Variants in EYS observed in about 807,000 individuals in gnomAD.
The protein encoded by EYS is protein eyes shut homolog.
A neutral mutation model predicts 282.1 loss-of-function variants in EYS; 250 were observed. The ratio of observed to expected loss-of-function variants is 0.89; its 90% CI spans 0.80 to 0.98. The LOEUF (loss-of-function observed/expected upper bound fraction) is 0.98. Ranked by LOEUF, EYS falls within the 50% of genes least tolerant of loss-of-function variation. EYS has a pLI of 0.00. For missense variants in EYS, 4,016 were observed against 3,709.0 expected, an observed-to-expected ratio of 1.08 and a Z score of -2.15; for synonymous variants, 1,355 against 1,282.9, an observed-to-expected ratio of 1.06 and a Z score of -1.20.
chr6:64,234,411 T>A (rs544651682), intron 30 of EYS, among the ~76,000 whole-genome samples: 38 of 146,680 alleles, frequency 2.6e-4, no homozygotes, highest in Admixed American at 8.3e-4. Flanking sequence ...TTCTTCACTT[T>A]CCTTTTAAAA....
chr6:63,934,121 C>T (rs1015966741), intron 35 of EYS, among the ~76,000 whole-genome samples: 20 of 152,234 alleles, frequency 1.3e-4, no homozygotes, highest in Admixed American at 4.6e-4. Context: ...AAAGAAGACA[C>T]TTATGCAGCC....
At chr6:65,561,480 C>A (rs950622558) in intron 2 of EYS, among the ~76,000 whole-genome samples, 7 of 152,078 alleles carry the variant, frequency 4.6e-5, no homozygotes, top group African/African-American at 1.4e-4. Flanking sequence ...CTCATTATCT[C>A]TTACATTTTT....
In EYS at chr6:64,350,413, T is replaced by C. The variant is rs150513862; in HGVS notation, c.6078+38277A>G. 3.1e-3 allele frequency among the ~76,000 whole-genome samples: 468 copies of C among 151,734 alleles called. 2 individuals carry two copies. The highest frequency in any genetic ancestry group is 0.011 in the African/African-American group (436 of 41,502). On this transcript the variant is annotated intron_variant, in intron 29 of 42. Coordinates refer to ENST00000503581, the MANE Select transcript of EYS (RefSeq NM_001142800.2). The stretch of plus-strand genomic sequence containing the variant: ...AAACATTTCTCTATATTCCAGAGTT[T>C]ACAGTAATTCCTTGTTAACCCACTA...
intron 2 of EYS, among the ~76,000 whole-genome samples, chr6:65,523,957 C>T (rs367925685): frequency 2.0e-5 from 3 of 152,184 alleles, no homozygotes; most frequent in Middle Eastern, 3.2e-3. Context: ...CTGCAAACTC[C>T]GCCTCCTGGG....
intron 30 of EYS, among the ~76,000 whole-genome samples, chr6:64,277,510 T>G (rs1768155985): frequency 6.6e-6 from 1 of 152,076 alleles, no homozygotes; most frequent in African/African-American, 2.4e-5. Context: ...GCAGGAGACT[T>G]TATTTTCTAC....
At chr6:64,540,413 C>A (rs1764665331) in intron 26 of EYS, among the ~76,000 whole-genome samples, 1 of 151,218 alleles carries the variant, frequency 6.6e-6, no homozygotes, top group Non-Finnish European at 1.5e-5. Context: ...ACCTATTGTG[C>A]TTTGTAGCCC....
intron 22 of EYS, among the ~76,000 whole-genome samples, chr6:64,803,900 A>G (rs537565269): frequency 6.6e-6 from 1 of 152,308 alleles, no homozygotes; most frequent in South Asian, 2.1e-4. Context: ...GCCATGGGGT[A>G]GGCTCTCCAG....
intron 32 of EYS, among the ~76,000 whole-genome samples, chr6:64,077,160 G>C (rs1771801591): frequency 6.6e-6 from 1 of 151,962 alleles, no homozygotes; most frequent in African/African-American, 2.4e-5. Flanking sequence ...AGCTCTATTG[G>C]GACCCATTAA....
At chr6:63,863,010 C>T (rs1489125071) in intron 36 of EYS, among the ~76,000 whole-genome samples, 1 of 152,196 alleles carries the variant, frequency 6.6e-6, no homozygotes, top group Non-Finnish European at 1.5e-5. Flanking sequence ...TTCATACCTG[C>T]CACATCAGGA....
rs980443633 is a variant in EYS, at chr6:64,040,780, G to A, written c.6725+25558C>T. ...AACATAGATTGTATGGCCTGCAAAG[G>A]CTAAAATATTCATTATCTGGCTCTT... On this transcript the variant is annotated intron_variant, in intron 33 of 42. Coordinates refer to ENST00000503581, the MANE Select transcript of EYS (RefSeq NM_001142800.2). 2.6e-5 allele frequency among the ~76,000 whole-genome samples: 4 copies of A among 152,128 alleles called. No homozygotes were observed. The East Asian group carries it at 7.7e-4, about 29-fold the overall frequency.
At chr6:64,235,086 ATTTTTT>A (rs11309412) in intron 30 of EYS, among the ~76,000 whole-genome samples, 33 of 150,402 alleles carry the variant, frequency 2.2e-4, no homozygotes, top group Non-Finnish European at 3.7e-4. Context: ...TTTTATTTTT[ATTTTTT>A]TTAATTATTA....
At chr6:64,205,912 G>A (rs1349398763) in intron 31 of EYS, among the ~76,000 whole-genome samples, 2 of 151,868 alleles carry the variant, frequency 1.3e-5, no homozygotes, top group African/African-American at 4.8e-5. Context: ...ACCTGCAAGT[G>A]GCCTTACCAG....
At chr6:65,164,933 G>C (rs1032795480) in intron 12 of EYS, among the ~76,000 whole-genome samples, 2 of 151,216 alleles carry the variant, frequency 1.3e-5, no homozygotes, top group Non-Finnish European at 1.5e-5. Context: ...TCAATTAGGG[G>C]CCACCATAAT....
chr6:64,260,930 G>GTTTTTA (rs1767565456), intron 30 of EYS, among the ~76,000 whole-genome samples: 3 of 151,530 alleles, frequency 2.0e-5, no homozygotes, highest in Non-Finnish European at 4.4e-5. Context: ...TATTTATGGG[G>GTTTTTA]TACATGTGAT....
At chr6:65,540,047 T>G (rs1177049908) in intron 2 of EYS, among the ~76,000 whole-genome samples, 2 of 152,238 alleles carry the variant, frequency 1.3e-5, no homozygotes, top group African/African-American at 4.8e-5. Context: ...TATATTCCCA[T>G]GTCTTTGCAC....
intron 11 of EYS, among the ~76,000 whole-genome samples, chr6:65,328,645 G>A (rs1769690372): frequency 6.6e-6 from 1 of 150,466 alleles, no homozygotes; most frequent in African/African-American, 2.4e-5. Context: ...AAATATAAAT[G>A]GGAAACAAGT....
At chr6:65,017,426 T>C (rs1772090592) in intron 13 of EYS, among the ~76,000 whole-genome samples, 1 of 152,216 alleles carries the variant, frequency 6.6e-6, no homozygotes, top group African/African-American at 2.4e-5. Context: ...AAATAAAACA[T>C]TAATATCCAT....
chr6:64,544,520 G>T (rs760297782), intron 26 of EYS, among the ~76,000 whole-genome samples: 1 of 152,090 alleles, frequency 6.6e-6, no homozygotes, highest in Non-Finnish European at 1.5e-5. Flanking sequence ...AGCTGGAGAT[G>T]GAGACATGGA....
rs139133491 is a variant in EYS at position 64,939,524 on chromosome 6, G to A, written c.2381+6269C>T. ...TTATTTTGTTTTCAATTTTTATGACGTCTATATCAAATGCGATACTTTTAT... is the reference window on the plus strand; with the variant it reads ...TTATTTTGTTTTCAATTTTTATGACATCTATATCAAATGCGATACTTTTAT... On this transcript the variant is annotated intron_variant, in intron 15 of 42. Coordinates refer to ENST00000503581, the MANE Select transcript of EYS (RefSeq NM_001142800.2). 1.1e-3 allele frequency among the ~76,000 whole-genome samples: 173 copies of A among 151,906 alleles called. 1 individual carries two copies. Among genetic ancestry groups the A allele is most frequent in the African/African-American group, 3.8e-3 (159 of 41,482 alleles).
Sources: allele counts gnomAD v4.1 joint callset (sites outside exome capture counted in the v4.1 genomes callset), GRCh38; gene constraint gnomAD v4.1.1; transcripts MANE v1.5; gene names NCBI Gene and HGNC (gene_info 2026-07-23, HGNC 2026-07-21).